PDE1C: variants seen among roughly 807,000 people sequenced by gnomAD.
The protein encoded by PDE1C is dual specificity calcium/calmodulin-dependent 3',5'-cyclic nucleotide phosphodiesterase 1C.
A neutral mutation model predicts 93.1 loss-of-function variants in PDE1C; 62 were observed. The observed-to-expected ratio is 0.67, with a 90% confidence interval of 0.54 to 0.82. The LOEUF (loss-of-function observed/expected upper bound fraction) is 0.82. Ranked by LOEUF, PDE1C falls within the 40% of genes least tolerant of loss-of-function variation. The pLI, the probability that PDE1C is intolerant of heterozygous loss-of-function variation, is 0.00. For missense variants in PDE1C, 742 were observed against 884.6 expected (o/e 0.84, Z 2.04); for synonymous variants, 325 against 310.1 (o/e 1.05, Z -0.50).
chr7:31,985,755 C>CT (rs112779992), intron 2 of PDE1C, among the ~76,000 whole-genome samples: 11,585 of 152,174 alleles, frequency 0.076, 1,105 homozygotes, highest in African/African-American at 0.23. Context: ...ATGAATTCAT[C>CT]TTTTTTATGG....
At chr7:32,372,268 G>A (rs1317055276) in intron 1 of PDE1C, among the ~76,000 whole-genome samples, 1 of 151,980 alleles carries the variant, frequency 6.6e-6, no homozygotes, top group Non-Finnish European at 1.5e-5. Context: ...TGGCCAGGCT[G>A]GTCTTGAACT....
At chr7:31,926,585 T>C (rs1803409731) in intron 2 of PDE1C, among the ~76,000 whole-genome samples, 1 of 152,102 alleles carries the variant, frequency 6.6e-6, no homozygotes, top group African/African-American at 2.4e-5. Flanking sequence ...CCAGCTGAGG[T>C]ACCTGGCTTA....
chr7:31,842,945 T>C (rs1210112686), intron 9 of PDE1C, among the ~76,000 whole-genome samples: 5 of 151,988 alleles, frequency 3.3e-5, no homozygotes, highest in Admixed American at 2.6e-4. Flanking sequence ...TCATTCTTGA[T>C]AAATTTGAAA....
chr7:32,103,188 G>A (rs1268542235), intron 3 of PDE1C, among the ~76,000 whole-genome samples: 1 of 152,330 alleles, frequency 6.6e-6, no homozygotes, highest in South Asian at 2.1e-4. Flanking sequence ...ACATTAGAGA[G>A]TGAGAAATTT....
intron 2 of PDE1C, among the ~76,000 whole-genome samples, chr7:32,026,935 A>G (rs1345018898): frequency 6.6e-6 from 1 of 152,174 alleles, no homozygotes; most frequent in African/African-American, 2.4e-5. Flanking sequence ...ATGCTGTATG[A>G]TTCCAACTAT....
chr7:32,348,322 T>C lies in PDE1C; in HGVS notation c.310+79500A>G, dbSNP rs1355398520. Among the ~76,000 whole-genome samples the C allele has an allele frequency of 2.6e-5, 4 of 152,114 alleles. No homozygotes were observed. In the East Asian group the frequency reaches 7.7e-4, roughly 29 times the overall value. The stretch of plus-strand genomic sequence containing the variant: ...CTCTTTACCCACTTGAAGACTTTCT[T>C]TCTCTAACTAACCAAAAATAAAAAA... On this transcript the variant is annotated intron_variant, in intron 1 of 1. Coordinates refer to the PDE1C transcript ENST00000672256.
intron 2 of PDE1C, among the ~76,000 whole-genome samples, chr7:32,193,302 T>C (rs948455406): frequency 3.9e-5 from 6 of 152,180 alleles, no homozygotes; most frequent in African/African-American, 1.2e-4. Context: ...AGATCTTCCT[T>C]ATCAAGTTGA....
At chr7:31,850,837 C>A in intron 7 of PDE1C, 96 bp from the exon 8 acceptor site, 1 of 853,670 alleles carries the variant, frequency 1.2e-6, no homozygotes, top group Non-Finnish European at 2.0e-6. Context: ...TTCTACCCTG[C>A]AGCTGGTAAG....
the PDE1C span, among the ~76,000 whole-genome samples, chr7:31,623,542 C>T: frequency 6.6e-6 from 1 of 151,548 alleles, no homozygotes; most frequent in South Asian, 2.1e-4. Context: ...AGGCCTTTGA[C>T]AAAATTCAAC....
At chr7:31,678,115 A>G in the PDE1C span, among the ~76,000 whole-genome samples, 1 of 152,162 alleles carries the variant, frequency 6.6e-6, no homozygotes, top group African/African-American at 2.4e-5. Context: ...AACAGTCCAG[A>G]AGAACAAAAA....
chr7:32,182,039 A>G (rs1226087577), intron 2 of PDE1C, among the ~76,000 whole-genome samples: 1 of 152,250 alleles, frequency 6.6e-6, no homozygotes, highest in Admixed American at 6.5e-5. Context: ...CAAATAAACT[A>G]GAAAATCTAG....
chr7:31,845,870 G>A (rs1792508930), intron 9 of PDE1C, among the ~76,000 whole-genome samples: 1 of 152,022 alleles, frequency 6.6e-6, no homozygotes, highest in African/African-American at 2.4e-5. Context: ...GTGCATGCCT[G>A]TAGTCCCAGC....
the PDE1C span, among the ~76,000 whole-genome samples, chr7:31,676,062 C>T: frequency 6.6e-6 from 1 of 152,158 alleles, no homozygotes; most frequent in Non-Finnish European, 1.5e-5. Context: ...TTTGTACATG[C>T]TCCAGAGTGA....
At chr7:31,829,743 C>T (rs1187263775) in intron 11 of PDE1C, among the ~76,000 whole-genome samples, 1 of 152,094 alleles carries the variant, frequency 6.6e-6, no homozygotes, top group East Asian at 1.9e-4. Context: ...TTCTTTATTT[C>T]AAGTACGCAC....
the PDE1C span, among the ~76,000 whole-genome samples, chr7:31,660,612 CAAA>C: frequency 6.6e-6 from 1 of 151,920 alleles, no homozygotes; most frequent in Non-Finnish European, 1.5e-5. Context: ...AAAAGGAGCA[CAAA>C]ATTTTTTGAA....
chr7:31,628,779 T>C, the PDE1C span, among the ~76,000 whole-genome samples: 307 of 152,258 alleles, frequency 2.0e-3, 2 homozygotes, highest in African/African-American at 7.0e-3. Flanking sequence ...TGATGGAAAC[T>C]TTAGTTCTTC....
At chr7:32,249,476 G>A (rs1809206054) in intron 1 of PDE1C, among the ~76,000 whole-genome samples, 1 of 152,048 alleles carries the variant, frequency 6.6e-6, no homozygotes, top group Non-Finnish European at 1.5e-5. Flanking sequence ...GGGACACTGA[G>A]GGAGGAGATG....
intron 1 of PDE1C, among the ~76,000 whole-genome samples, chr7:32,344,510 G>A (rs973828849): frequency 6.6e-6 from 1 of 152,042 alleles, no homozygotes; most frequent in South Asian, 2.1e-4. Flanking sequence ...ATAAATCCTT[G>A]AACACATCGG....
At chr7:32,412,290 TACTAAAAATA>T (rs1193527542) in intron 1 of PDE1C, among the ~76,000 whole-genome samples, 1 of 151,806 alleles carries the variant, frequency 6.6e-6, no homozygotes, top group Non-Finnish European at 1.5e-5. Flanking sequence ...CCCCTGTTTA[TACTAAAAATA>T]CAAAAATTAG....
Sources: gnomAD v4.1 joint callset for allele counts (sites outside exome capture counted in the v4.1 genomes callset) on GRCh38, gnomAD v4.1.1 for gene constraint, MANE v1.5 for transcripts, NCBI Gene and HGNC (gene_info 2026-07-23, HGNC 2026-07-21) for gene names.